OPHN1: variants seen among roughly 807,000 people sequenced by gnomAD.
OPHN1 encodes oligophrenin 1, also known as oligophrenin-1.
In OPHN1, 11 loss-of-function variants were observed where a neutral mutation model predicts 60.7. That is an observed-to-expected ratio of 0.18 (90% CI 0.11 to 0.30). The LOEUF (loss-of-function observed/expected upper bound fraction) is 0.30, where lower values mean the gene tolerates loss of function less well. Ranked by LOEUF, OPHN1 falls within the 10% of genes least tolerant of loss-of-function variation. The probability of loss-of-function intolerance (pLI) is 1.00; values close to 1 mark genes in which losing one functional copy is unlikely to be tolerated. For synonymous variants in OPHN1, 226 were observed against 222.6 expected (o/e 1.02, Z -0.14); for missense variants, 449 against 611.0 (o/e 0.73, Z 2.80).
chrX:68,317,356 AAAGAAAGAAAGAAAGAAAGAAAGG>A lies in OPHN1; in HGVS notation c.155-18284_155-18261del, dbSNP rs1267032877. Among the ~76,000 whole-genome samples the A allele has an allele frequency of 3.2e-3, 200 of 62,973 alleles. 2 individuals are homozygous for A. The highest frequency in any genetic ancestry group is 0.015 in the African/African-American group (189 of 13,000). 54.7% of individuals were successfully genotyped at this position (62,973 alleles called of 115,157 possible). A position where few individuals can be genotyped will look rare whatever the true frequency, so the allele number is the denominator to read the frequency against. ...AAAGAGAGGAAAGAAAGAAAGAAAG[AAAGAAAGAAAGAAAGAAAGAAAGG>A]AAGGAAGGAAGGAAGGAAGGAAGGA... On this transcript the variant is annotated intron_variant, in intron 2 of 24. Coordinates refer to ENST00000355520, the MANE Select transcript of OPHN1 (RefSeq NM_002547.3).
chrX:68,285,930 TTTC>T (rs2078039195), intron 3 of OPHN1, among the ~76,000 whole-genome samples: 1 of 111,273 alleles, frequency 9.0e-6, no homozygotes, highest in African/African-American at 3.3e-5. Flanking sequence ...TTCTCATTCA[TTTC>T]TTAAGTTCTT....
At chrX:68,369,157 G>A (rs934742835) in intron 2 of OPHN1, among the ~76,000 whole-genome samples, 5 of 107,209 alleles carry the variant, frequency 4.7e-5, no homozygotes, top group Non-Finnish European at 9.7e-5. Flanking sequence ...GCAGTGAGCC[G>A]AGATCTCACC....
rs1477769562 is a variant in OPHN1, at chrX:68,194,254, T to A, written c.1138+211A>T. ...TGCTTCCAGAACAGGAAGGATATGT[T>A]TCTCTACCCACGATGTAAGCTAACA... On this transcript the variant is annotated intron_variant, in intron 13 of 24. Transcript: ENST00000355520. Among the ~76,000 whole-genome samples, 3 of 112,582 alleles carry A rather than the reference T, an allele frequency of 2.7e-5. No homozygotes were observed. The Admixed American group carries it at 2.8e-4, about 11-fold the overall frequency.
chrX:68,088,838 C>T (rs2077005388), intron 19 of OPHN1, among the ~76,000 whole-genome samples: 1 of 110,307 alleles, frequency 9.1e-6, no homozygotes, highest in South Asian at 3.9e-4. Flanking sequence ...TTTAGATGAC[C>T]ACCCAGCTAG....
intron 20 of OPHN1, among the ~76,000 whole-genome samples, chrX:68,068,804 T>G (rs1180455748): frequency 1.8e-5 from 2 of 112,018 alleles, no homozygotes; most frequent in Non-Finnish European, 3.8e-5. Flanking sequence ...CTTGAAAATA[T>G]TATGCTAAGA....
intron 2 of OPHN1, among the ~76,000 whole-genome samples, chrX:68,309,419 G>T (rs5964662): frequency 0.082 from 9,157 of 111,286 alleles, 936 homozygotes; most frequent in African/African-American, 0.29. Flanking sequence ...AAAATACATA[G>T]CAAACTGAGA....
At chrX:68,134,628 C>T (rs763023273) in intron 15 of OPHN1, among the ~76,000 whole-genome samples, 26 of 111,436 alleles carry the variant, frequency 2.3e-4, no homozygotes, top group Non-Finnish European at 4.3e-4. Context: ...GCAGAAGGAT[C>T]ATGGTTTGCT....
chrX:68,183,658 A>G (rs908385798), intron 15 of OPHN1, among the ~76,000 whole-genome samples: 2 of 103,894 alleles, frequency 1.9e-5, no homozygotes, highest in African/African-American at 7.5e-5. Context: ...GTCTTGTCAC[A>G]TCTTTAAAAA....
At position 68,281,654 on chromosome X, in the gene OPHN1, A is replaced by T. The variant is rs141564320; in HGVS notation, c.312+1402T>A. 2.1e-3 allele frequency among the ~76,000 whole-genome samples: 237 copies of T among 112,356 alleles called. 1 individual carries two copies. In the East Asian group the frequency reaches 0.057, roughly 27 times the overall value. The stretch of plus-strand genomic sequence containing the variant: ...AAAGACAAGCCACAGACGAGGAGAA[A>T]ATCTTTGCAAATGCCTATTGGATAA... On this transcript the variant is annotated intron_variant, in intron 4 of 24. Transcript: ENST00000355520.
chrX:68,329,979 G>A lies in OPHN1; in HGVS notation c.155-30883C>T, dbSNP rs542063072. On this transcript the variant is annotated intron_variant, in intron 2 of 24. Transcript: ENST00000355520. ...TATATTCTTGCCTATGTAAAAGTGT[G>A]ACATTTCTTTCTATGCTTACAGTCT... 4.5e-5 allele frequency among the ~76,000 whole-genome samples: 5 copies of A among 111,766 alleles called. No individual in the cohort carries two copies. The South Asian group carries it at 1.9e-3, about 42-fold the overall frequency.
intron 2 of OPHN1, among the ~76,000 whole-genome samples, chrX:68,379,415 C>T (rs2078581934): frequency 9.2e-6 from 1 of 108,112 alleles, no homozygotes; most frequent in Non-Finnish European, 1.9e-5. Context: ...ATTGAATACC[C>T]TTTATTTCCT....
intron 15 of OPHN1, among the ~76,000 whole-genome samples, chrX:68,146,379 A>G (rs191404732): frequency 1.8e-5 from 2 of 112,246 alleles, no homozygotes; most frequent in East Asian, 5.6e-4. Context: ...AATAATATAA[A>G]TATTAGTTAA....
intron 2 of OPHN1, among the ~76,000 whole-genome samples, chrX:68,410,987 G>C (rs2078766369): frequency 8.9e-6 from 1 of 111,852 alleles, no homozygotes; most frequent in Non-Finnish European, 1.9e-5. Context: ...GGATGTATCA[G>C]GGCTAAGGGA....
chrX:68,108,047 G>C (rs1351317565), intron 18 of OPHN1, among the ~76,000 whole-genome samples: 1 of 111,867 alleles, frequency 8.9e-6, no homozygotes, highest in Non-Finnish European at 1.9e-5. Context: ...CTGCAATAAA[G>C]AGATTTCCTT....
intron 20 of OPHN1, among the ~76,000 whole-genome samples, chrX:68,064,704 G>C (rs1051664284): frequency 9.8e-5 from 11 of 111,969 alleles, no homozygotes; most frequent in Non-Finnish European, 1.9e-4. Context: ...ATGTCTTTCA[G>C]TGGTTCTGAG....
chrX:68,124,325 C>T (rs945525845), intron 15 of OPHN1, among the ~76,000 whole-genome samples: 7 of 109,829 alleles, frequency 6.4e-5, no homozygotes, highest in South Asian at 3.9e-4. Context: ...GACCCCATAA[C>T]GATAAAGGGG....
chrX:68,062,988 C>A (rs905756357), intron 21 of OPHN1, among the ~76,000 whole-genome samples: 7 of 111,350 alleles, frequency 6.3e-5, no homozygotes, highest in Admixed American at 9.5e-5. Context: ...CTATTTCTCC[C>A]AAACTGGAAA....
intron 15 of OPHN1, among the ~76,000 whole-genome samples, chrX:68,190,503 T>C (rs1430392896): frequency 1.8e-5 from 2 of 112,087 alleles, no homozygotes; most frequent in African/African-American, 6.5e-5. Flanking sequence ...CTGGTCTATA[T>C]TTTAGATATT....
chrX:68,348,621 G>A (rs1252655036), intron 2 of OPHN1, among the ~76,000 whole-genome samples: 4 of 111,396 alleles, frequency 3.6e-5, no homozygotes, highest in Non-Finnish European at 7.5e-5. Context: ...AATTTCCTTA[G>A]GGAGCATATT....
Sources: allele counts gnomAD v4.1 joint callset (sites outside exome capture counted in the v4.1 genomes callset), GRCh38; gene constraint gnomAD v4.1.1; transcripts MANE v1.5; gene names NCBI Gene and HGNC (gene_info 2026-07-23, HGNC 2026-07-21).